Variants in FRMD6 observed in about 807,000 individuals in gnomAD.
FRMD6 encodes FERM domain-containing protein 6.
A neutral mutation model predicts 73.2 loss-of-function variants in FRMD6; 37 were observed. That is an observed-to-expected ratio of 0.51 (90% CI 0.39 to 0.66). The LOEUF is 0.66. Among genes scored for constraint, FRMD6 ranks in the 30% least tolerant of loss-of-function variants. FRMD6 has a pLI of 0.00. For missense variants in FRMD6, 714 were observed against 780.5 expected (o/e 0.91, Z 1.02); for synonymous variants, 273 against 282.2 (o/e 0.97, Z 0.33).
At chr14:51,647,803 T>C (rs1892145283), upstream of FRMD6, among the ~76,000 whole-genome samples, 3 of 152,296 alleles carry the variant, frequency 2.0e-5, no homozygotes, top group South Asian at 6.2e-4. Context: ...GAATGCTGGA[T>C]AGCCCTGATT....
At chr14:51,717,470 A>G (rs937879045) in intron 10 of FRMD6, 2 of 152,218 alleles carry the variant, frequency 1.3e-5, no homozygotes, top group African/African-American at 4.8e-5. Context: ...TTAAACTCCC[A>G]TGTCTTACTA....
At chr14:51,630,145 A>G (rs1891281709) in intron 2 of FRMD6, among the ~76,000 whole-genome samples, 1 of 152,170 alleles carries the variant, frequency 6.6e-6, no homozygotes, top group Non-Finnish European at 1.5e-5. Flanking sequence ...TTTCTTCTCA[A>G]AATGATGGGA....
intron 1 of FRMD6, among the ~76,000 whole-genome samples, chr14:51,521,152 G>C (rs1321436145): frequency 1.3e-5 from 2 of 152,118 alleles, no homozygotes; most frequent in Non-Finnish European, 2.9e-5. Context: ...CTGAGGTGAC[G>C]AAAATGTTCT....
At chr14:51,615,462 A>G (rs765367917) in intron 2 of FRMD6, among the ~76,000 whole-genome samples, 7 of 152,164 alleles carry the variant, frequency 4.6e-5, no homozygotes, top group Non-Finnish European at 5.9e-5. Flanking sequence ...ACCCCAAATA[A>G]TGTCCCAAGA....
At chr14:51,433,765 C>T in the FRMD6 span, among the ~76,000 whole-genome samples, 1,553 of 152,246 alleles carry the variant, frequency 0.01, 14 homozygotes, top group African/African-American at 0.023. Context: ...TACTATATAG[C>T]GCTGACTCTT....
intron 1 of FRMD6, among the ~76,000 whole-genome samples, chr14:51,551,968 A>G (rs1596583108): frequency 2.6e-5 from 4 of 152,202 alleles, no homozygotes; most frequent in Admixed American, 2.6e-4. Flanking sequence ...TATTTTTTCC[A>G]CCTGATTATC....
chr14:51,521,033 T>C (rs1230747355), intron 1 of FRMD6, among the ~76,000 whole-genome samples: 1 of 152,250 alleles, frequency 6.6e-6, no homozygotes, highest in African/African-American at 2.4e-5. Flanking sequence ...GTACATTTTA[T>C]GATGCTGAAA....
At chr14:51,556,078 C>G (rs946900099) in intron 1 of FRMD6, among the ~76,000 whole-genome samples, 11 of 152,266 alleles carry the variant, frequency 7.2e-5, no homozygotes, top group Non-Finnish European at 1.5e-4. Flanking sequence ...TTTGTGTTTC[C>G]CATGCAACTG....
intron 1 of FRMD6, among the ~76,000 whole-genome samples, chr14:51,502,462 T>C (rs1883679685): frequency 6.6e-6 from 1 of 152,232 alleles, no homozygotes; most frequent in Non-Finnish European, 1.5e-5. Flanking sequence ...GGGAGTCTTT[T>C]CCCCATTGTT....
chr14:51,522,864 G>T (rs910464751), intron 1 of FRMD6: 3 of 152,178 alleles, frequency 2.0e-5, no homozygotes, highest in Non-Finnish European at 4.4e-5. Flanking sequence ...TTTATGTACA[G>T]CACTTACTTC....
the FRMD6 span, among the ~76,000 whole-genome samples, chr14:51,437,150 G>A: frequency 2.6e-5 from 4 of 151,654 alleles, no homozygotes; most frequent in Admixed American, 1.3e-4. Context: ...CCCACCCCCC[G>A]ACAGGCCCCG....
the FRMD6 span, among the ~76,000 whole-genome samples, chr14:51,472,390 A>G: frequency 3.3e-5 from 5 of 151,818 alleles, no homozygotes; most frequent in East Asian, 5.8e-4. Context: ...TGCAAGCTCC[A>G]CCTCCCAGGT....
chr14:51,684,821 T>G (rs555087293), intron 1 of FRMD6, among the ~76,000 whole-genome samples: 100 of 152,328 alleles, frequency 6.6e-4, no homozygotes, highest in African/African-American at 2.3e-3. Context: ...ACAGCTAACA[T>G]TTAATGAGCA....
the FRMD6 span, among the ~76,000 whole-genome samples, chr14:51,415,388 C>A: frequency 3.3e-5 from 5 of 152,088 alleles, no homozygotes; most frequent in African/African-American, 1.2e-4. Context: ...TTGTCAAAGG[C>A]CTTTTCTGCA....
the FRMD6 span, among the ~76,000 whole-genome samples, chr14:51,396,453 G>A: frequency 6.6e-6 from 1 of 151,896 alleles, no homozygotes; most frequent in Non-Finnish European, 1.5e-5. Context: ...CATGGCCTAC[G>A]ACCTGCAAGA....
At chr14:51,461,292 A>G in the FRMD6 span, among the ~76,000 whole-genome samples, 47 of 152,350 alleles carry the variant, frequency 3.1e-4, no homozygotes, top group South Asian at 8.1e-3. Context: ...CTTGCCTATG[A>G]TCAGACAAGA....
chr14:51,645,602 A>C (rs1892028504), intron 2 of FRMD6, among the ~76,000 whole-genome samples: 1 of 151,914 alleles, frequency 6.6e-6, no homozygotes, highest in Admixed American at 6.6e-5. Context: ...CCGCCCAGCT[A>C]ATTTTTTATT....
At chr14:51,537,515 A>T (rs1305807630) in intron 1 of FRMD6, among the ~76,000 whole-genome samples, 1 of 152,222 alleles carries the variant, frequency 6.6e-6, no homozygotes, top group Non-Finnish European at 1.5e-5. Context: ...ATTTGGGTCA[A>T]TCCCGTGGAG....
At chr14:51,436,388 TTAC>T in the FRMD6 span, 159 of 457,308 alleles carry the variant, frequency 3.5e-4, no homozygotes, top group South Asian at 3.3e-3. Flanking sequence ...AGGCAGTGCA[TTAC>T]TTGACCAGAG....
Sources: gnomAD v4.1 joint callset for allele counts (sites outside exome capture counted in the v4.1 genomes callset) on GRCh38, gnomAD v4.1.1 for gene constraint, MANE v1.5 for transcripts, NCBI Gene and HGNC (gene_info 2026-07-23, HGNC 2026-07-21) for gene names.